The following CDH20 variants were observed in gnomAD, a reference collection of about 807,000 sequenced individuals.
CDH20 encodes the protein cadherin-20.
A neutral mutation model predicts 74.2 loss-of-function variants in CDH20; 29 were observed. The ratio of observed to expected loss-of-function variants is 0.39; its 90% CI spans 0.29 to 0.53. The LOEUF is 0.53. CDH20 is among the 20% of genes least tolerant of loss of function. CDH20 has a pLI of 0.69. For missense variants in CDH20, 988 were observed against 1,048.3 expected, an observed-to-expected ratio of 0.94 and a Z score of 0.79; for synonymous variants, 469 against 405.4, an observed-to-expected ratio of 1.16 and a Z score of -1.88.
intron 1 of CDH20, among the ~76,000 whole-genome samples, chr18:61,398,381 A>G (rs1912053777): frequency 6.6e-6 from 1 of 152,200 alleles, no homozygotes; most frequent in African/African-American, 2.4e-5. Flanking sequence ...TTCTTAATTT[A>G]TATACATATA....
intron 1 of CDH20, among the ~76,000 whole-genome samples, chr18:61,446,486 C>T (rs1399194144): frequency 6.6e-6 from 1 of 152,148 alleles, no homozygotes. Flanking sequence ...AGTTTGGGTT[C>T]CATGGTCAGG....
chr18:61,390,440 C>G (rs975103308), intron 1 of CDH20, among the ~76,000 whole-genome samples: 3 of 152,122 alleles, frequency 2.0e-5, no homozygotes, highest in Non-Finnish European at 4.4e-5. Flanking sequence ...TTAAGTCCTA[C>G]CAAACTTGCG....
At chr18:61,453,128 A>T (rs996238980) in intron 1 of CDH20, among the ~76,000 whole-genome samples, 81 of 152,148 alleles carry the variant, frequency 5.3e-4, no homozygotes, top group African/African-American at 1.9e-3. Flanking sequence ...AGGGCCCTTT[A>T]TGTTACCCTT....
At chr18:61,398,231 T>C (rs901269022) in intron 1 of CDH20, among the ~76,000 whole-genome samples, 1 of 152,256 alleles carries the variant, frequency 6.6e-6, no homozygotes, top group Middle Eastern at 3.2e-3. Context: ...TCATACATAG[T>C]ACATGTCTTA....
chr18:61,470,618 A>G (rs536273797), intron 1 of CDH20, among the ~76,000 whole-genome samples: 40 of 152,222 alleles, frequency 2.6e-4, no homozygotes, highest in African/African-American at 9.4e-4. Context: ...AAAAAAAAAG[A>G]GAATGAAAGA....
intron 6 of CDH20, among the ~76,000 whole-genome samples, chr18:61,520,492 A>C (rs1912167120): frequency 6.6e-6 from 1 of 150,924 alleles, no homozygotes; most frequent in Non-Finnish European, 1.5e-5. Context: ...TAATAGTGGG[A>C]GACTTTAACA....
intron 1 of CDH20, among the ~76,000 whole-genome samples, chr18:61,476,233 C>T (rs905634792): frequency 2.0e-5 from 3 of 152,146 alleles, no homozygotes; most frequent in Non-Finnish European, 2.9e-5. Context: ...TTGATTGCAA[C>T]TGCCATCCCC....
At chr18:61,355,737 CAATAA>C (rs368600019) in intron 1 of CDH20, among the ~76,000 whole-genome samples, 47 of 152,046 alleles carry the variant, frequency 3.1e-4, no homozygotes, top group African/African-American at 1.1e-3. Context: ...GTCAAGCCCT[CAATAA>C]AATAAAATTA....
At chr18:61,445,969 A>G (rs1909186311) in intron 1 of CDH20, among the ~76,000 whole-genome samples, 1 of 152,074 alleles carries the variant, frequency 6.6e-6, no homozygotes, top group Admixed American at 6.5e-5. Context: ...GTCCCTGTAT[A>G]TAGATCTCTC....
At chr18:61,397,195 C>G (rs1327268822) in intron 1 of CDH20, among the ~76,000 whole-genome samples, 1 of 152,124 alleles carries the variant, frequency 6.6e-6, no homozygotes, top group African/African-American at 2.4e-5. Context: ...AAGACTTTCT[C>G]TGGAACCCAC....
At chr18:61,394,428 G>A (rs919221365) in intron 1 of CDH20, among the ~76,000 whole-genome samples, 13 of 152,070 alleles carry the variant, frequency 8.5e-5, no homozygotes, top group African/African-American at 3.1e-4. Context: ...GGAAACTTGT[G>A]CACAGACACA....
chr18:61,438,961 A>T (rs747145233), intron 1 of CDH20, among the ~76,000 whole-genome samples: 19 of 152,278 alleles, frequency 1.2e-4, no homozygotes, highest in Middle Eastern at 3.4e-3. Flanking sequence ...AGCAATATGG[A>T]TGCAGCTGGA....
intron 1 of CDH20, among the ~76,000 whole-genome samples, chr18:61,451,206 G>GT (rs1484524013): frequency 1.3e-5 from 2 of 151,888 alleles, no homozygotes; most frequent in East Asian, 3.9e-4. Flanking sequence ...CCCAGGGACA[G>GT]TGGTATGTTG....
At chr18:61,478,413 A>G (rs1250985905) in intron 1 of CDH20, among the ~76,000 whole-genome samples, 1 of 152,090 alleles carries the variant, frequency 6.6e-6, no homozygotes, top group Non-Finnish European at 1.5e-5. Flanking sequence ...AATTTCTAAT[A>G]ACTGTTTAAT....
intron 7 of CDH20, among the ~76,000 whole-genome samples, chr18:61,534,320 G>T (rs1912750523): frequency 6.6e-6 from 1 of 152,190 alleles, no homozygotes; most frequent in Non-Finnish European, 1.5e-5. Context: ...AAACAGTATG[G>T]AGGTTCCTCA....
At chr18:61,544,679 T>C (rs976506188) in intron 9 of CDH20, among the ~76,000 whole-genome samples, 1 of 152,092 alleles carries the variant, frequency 6.6e-6, no homozygotes, top group African/African-American at 2.4e-5. Flanking sequence ...CCTCTTCTCC[T>C]CTCAACATCC....
chr18:61,444,126 G>A (rs1323939092), intron 1 of CDH20, among the ~76,000 whole-genome samples: 1 of 152,034 alleles, frequency 6.6e-6, no homozygotes, highest in Admixed American at 6.6e-5. Context: ...AAATACTTGT[G>A]TATTTATTTA....
intron 1 of CDH20, among the ~76,000 whole-genome samples, chr18:61,421,463 C>T (rs1008772488): frequency 7.2e-5 from 11 of 152,124 alleles, no homozygotes; most frequent in Non-Finnish European, 1.5e-4. Context: ...CTCTGGCAAT[C>T]GGGCTTAAAT....
At chr18:61,467,704 C>T (rs998387941) in intron 1 of CDH20, among the ~76,000 whole-genome samples, 1 of 152,166 alleles carries the variant, frequency 6.6e-6, no homozygotes, top group Non-Finnish European at 1.5e-5. Flanking sequence ...ACACACGGGG[C>T]CTTCCTGTGG....
Sources: gnomAD v4.1 joint callset for allele counts (sites outside exome capture counted in the v4.1 genomes callset) on GRCh38, gnomAD v4.1.1 for gene constraint, MANE v1.5 for transcripts, NCBI Gene and HGNC (gene_info 2026-07-23, HGNC 2026-07-21) for gene names.